Variants in ACOXL observed in about 807,000 individuals in gnomAD.
The protein encoded by ACOXL is acyl-CoA oxidase like, also known as acyl-coenzyme A oxidase-like protein.
A neutral mutation model predicts 71.9 loss-of-function variants in ACOXL; 70 were observed. The observed-to-expected ratio is 0.97, with a 90% confidence interval of 0.80 to 1.19. The LOEUF is 1.19. ACOXL is among the 50% of genes most tolerant of loss of function. The probability of loss-of-function intolerance (pLI) is 0.00; values close to 1 mark genes in which losing one functional copy is unlikely to be tolerated. For synonymous variants in ACOXL, 253 were observed against 281.6 expected, an observed-to-expected ratio of 0.90 and a Z score of 1.02; for missense variants, 703 against 736.3, an observed-to-expected ratio of 0.95 and a Z score of 0.52.
At chr2:110,842,787 A>G (rs1171779542) in intron 10 of ACOXL, among the ~76,000 whole-genome samples, 1 of 152,064 alleles carries the variant, frequency 6.6e-6, no homozygotes, top group African/African-American at 2.4e-5. Context: ...GGGGAAGGGG[A>G]AGGTGAGAGT....
intron 10 of ACOXL, among the ~76,000 whole-genome samples, chr2:110,896,360 G>T (rs28811027): frequency 2.0e-5 from 3 of 151,992 alleles, no homozygotes; most frequent in Middle Eastern, 3.4e-3. Context: ...TTAAAAAGTC[G>T]GACTTAAGCC....
chr2:110,876,582 C>T (rs923257886), intron 10 of ACOXL, among the ~76,000 whole-genome samples: 4 of 152,310 alleles, frequency 2.6e-5, no homozygotes, highest in African/African-American at 7.2e-5. Context: ...TTCTGTGGCT[C>T]GTGGCTGACA....
chr2:110,879,337 C>T (rs1696329627), intron 10 of ACOXL, among the ~76,000 whole-genome samples: 1 of 152,110 alleles, frequency 6.6e-6, no homozygotes, highest in African/African-American at 2.4e-5. Flanking sequence ...AGCAACAGCT[C>T]AAGGCAGATG....
At chr2:110,953,348 T>TA (rs1558780781) in intron 12 of ACOXL, among the ~76,000 whole-genome samples, 41 of 150,544 alleles carry the variant, frequency 2.7e-4, no homozygotes, top group African/African-American at 9.5e-4. Flanking sequence ...ATATATATAT[T>TA]TCAATTAATT....
chr2:110,928,639 G>A (rs2060367059), intron 11 of ACOXL, among the ~76,000 whole-genome samples: 1 of 152,170 alleles, frequency 6.6e-6, no homozygotes, highest in African/African-American at 2.4e-5. Flanking sequence ...TAGATATATT[G>A]TGGTATTTCT....
chr2:110,791,913 A>G (rs534194489), intron 3 of ACOXL, among the ~76,000 whole-genome samples: 1 of 152,308 alleles, frequency 6.6e-6, no homozygotes, highest in East Asian at 1.9e-4. Context: ...AGCAGGCTTC[A>G]GGTCTGGGTG....
At chr2:111,001,053 G>A (rs976434798) in intron 14 of ACOXL, among the ~76,000 whole-genome samples, 2 of 152,114 alleles carry the variant, frequency 1.3e-5, no homozygotes, top group East Asian at 1.9e-4. Context: ...TTTAAGAACC[G>A]AAAAAGATTA....
At chr2:110,821,153 G>A (rs1346342304) in intron 9 of ACOXL, among the ~76,000 whole-genome samples, 1 of 152,224 alleles carries the variant, frequency 6.6e-6, no homozygotes, top group South Asian at 2.1e-4. Flanking sequence ...CCATGGTCGT[G>A]TGGCAGGGGA....
At chr2:111,098,902 T>C (rs1461109126) in intron 17 of ACOXL, 1 of 152,188 alleles carries the variant, frequency 6.6e-6, no homozygotes, top group Non-Finnish European at 1.5e-5. Context: ...TATATATACT[T>C]AAAAATTATC....
chr2:110,868,653 A>G (rs1333040990), intron 10 of ACOXL, among the ~76,000 whole-genome samples: 1 of 152,044 alleles, frequency 6.6e-6, no homozygotes, highest in African/African-American at 2.4e-5. Context: ...CACTGGTGCA[A>G]CCCCAGCTCA....
intron 10 of ACOXL, among the ~76,000 whole-genome samples, chr2:110,856,058 C>T (rs952229915): frequency 1.3e-5 from 2 of 152,146 alleles, no homozygotes; most frequent in African/African-American, 4.8e-5. Flanking sequence ...TTTTACAGAG[C>T]GTTGATTGGC....
intron 15 of ACOXL, among the ~76,000 whole-genome samples, chr2:111,033,589 C>G (rs2065372399): frequency 6.6e-6 from 1 of 152,226 alleles, no homozygotes; most frequent in African/African-American, 2.4e-5. Context: ...CCTGGACTAT[C>G]TCCATACACT....
At chr2:111,097,328 T>C (rs1161033381) in intron 17 of ACOXL, among the ~76,000 whole-genome samples, 2 of 152,228 alleles carry the variant, frequency 1.3e-5, no homozygotes, top group African/African-American at 4.8e-5. Context: ...TTTTCATTAC[T>C]CTTACACAGA....
At chr2:111,094,800 G>C (rs1400798209) in intron 17 of ACOXL, among the ~76,000 whole-genome samples, 1 of 152,306 alleles carries the variant, frequency 6.6e-6, no homozygotes, top group East Asian at 1.9e-4. Flanking sequence ...TGTGGTGTCT[G>C]CTGGGGCTAA....
At chr2:111,101,653 AG>A (rs770423287) in intron 17 of ACOXL, among the ~76,000 whole-genome samples, 1 of 145,270 alleles carries the variant, frequency 6.9e-6, no homozygotes, top group Non-Finnish European at 1.5e-5. Flanking sequence ...AATGAATTTG[AG>A]GGAAAAAAAA....
At chr2:110,829,310 G>A (rs1207512734) in intron 9 of ACOXL, among the ~76,000 whole-genome samples, 1 of 152,186 alleles carries the variant, frequency 6.6e-6, no homozygotes, top group African/African-American at 2.4e-5. Context: ...TTCAGGTGGT[G>A]AGTTCGTTGG....
chr2:110,940,131 C>T (rs1178865725), intron 12 of ACOXL, among the ~76,000 whole-genome samples: 1 of 152,180 alleles, frequency 6.6e-6, no homozygotes, highest in Non-Finnish European at 1.5e-5. Context: ...ACCGGCCTCA[C>T]TATTGTGAGG....
intron 12 of ACOXL, among the ~76,000 whole-genome samples, chr2:110,973,166 GAATA>G (rs1486613477): frequency 6.6e-6 from 1 of 152,168 alleles, no homozygotes; most frequent in African/African-American, 2.4e-5. Flanking sequence ...CAAATCACTA[GAATA>G]AATAAAAAGC....
chr2:110,827,006 T>G (rs1032076537), intron 9 of ACOXL, among the ~76,000 whole-genome samples: 1 of 152,174 alleles, frequency 6.6e-6, no homozygotes, highest in African/African-American at 2.4e-5. Flanking sequence ...ATGGCTGTTC[T>G]GTTGGCTGCC....
Sources: gnomAD v4.1 joint callset for allele counts (sites outside exome capture counted in the v4.1 genomes callset) on GRCh38, gnomAD v4.1.1 for gene constraint, MANE v1.5 for transcripts, NCBI Gene and HGNC (gene_info 2026-07-23, HGNC 2026-07-21) for gene names.